Variants in COL18A1 observed in about 807,000 individuals in gnomAD.
The protein encoded by COL18A1 is collagen alpha-1(XVIII) chain.
A neutral mutation model predicts 168.0 loss-of-function variants in COL18A1; 133 were observed. The observed-to-expected ratio is 0.79, with a 90% CI of 0.69 to 0.91. The LOEUF is 0.91. Ranked by LOEUF, COL18A1 falls within the 40% of genes least tolerant of loss-of-function variation. The pLI, the probability that COL18A1 is intolerant of heterozygous loss-of-function variation, is 0.00. For missense variants in COL18A1, 2,126 were observed against 1,925.4 expected, an observed-to-expected ratio of 1.10 and a Z score of -1.95; for synonymous variants, 949 against 809.0, an observed-to-expected ratio of 1.17 and a Z score of -2.94.
Position 45,473,880 on chromosome 21 carries a change from T to C in COL18A1, c.652-15T>C. 1 of 1,587,374 alleles carries C rather than the reference T, an allele frequency of 6.3e-7. No individual in the cohort carries two copies. The highest frequency in any genetic ancestry group is 8.6e-7 in the Non-Finnish European group (1 of 1,166,990). On this transcript the variant is annotated splice_polypyrimidine_tract_variant and intron_variant, in intron 3 of 41. Transcript: ENST00000651438. This position sits in a 1 kb window ranked among gnomAD's most constrained non-coding sequence, Gnocchi z 4.0. The stretch of plus-strand genomic sequence containing the variant: ...CTCAGGACCGCTGGTGACCCCTTTC[T>C]CTGTCTGCATTTAGGGGGTGATCGC...
At chr21:45,507,685 T>C in intron 38 of COL18A1, 92 bp downstream of exon 38, 1 of 1,245,470 alleles carries the variant, frequency 8.0e-7, no homozygotes, top group South Asian at 1.3e-5. Context: ...ACGTGGTCCT[T>C]TGGAGTCCTG....
intron 2 of COL18A1, among the ~76,000 whole-genome samples, chr21:45,452,501 A>T (rs1006196254): frequency 6.9e-6 from 1 of 145,586 alleles, no homozygotes; most frequent in African/African-American, 2.5e-5. Context: ...GCATGTGTGT[A>T]TTCACGTGAC....
At position 45,456,113 on chromosome 21, in the gene COL18A1, C is replaced by T. The variant is rs746995849; in HGVS notation, c.107-12129C>T. ...CACCTTGCCTGCACCCACCCCATCG[C>T]CTCCCTCCCTGGGCAGGCCCTGGGC... On this transcript the variant is annotated intron_variant, in intron 2 of 41. Coordinates refer to ENST00000651438, the MANE Select transcript of COL18A1 (RefSeq NM_001379500.1). The T allele has an allele frequency of 2.6e-5, 41 of 1,587,620 alleles. No individual in the cohort carries two copies. The highest frequency in any genetic ancestry group is 3.1e-5 in the Non-Finnish European group (36 of 1,164,092).
Position 45,504,555 on chromosome 21 carries a change from C to A in COL18A1, c.2867C>A (p.Pro956Gln). 6.4e-7 allele frequency: 1 copy of A among 1,570,162 alleles called. No homozygotes were observed. Among genetic ancestry groups the A allele is most frequent in the Non-Finnish European group, 8.6e-7 (1 of 1,158,944 alleles). ...GGCCCACGTGGCTACCCTGGGATTC[C>A]AGTAAGTCCCAGCCTGTGCAGGCAG... is the stretch of plus-strand genomic sequence containing the variant. ...PPGPRGYPGI[P>Q]GPKGESIRGQ... Residue 956 changes from proline to glutamine, a missense_variant and splice_region_variant, in exon 34 of 42, where the codon CCA becomes CAA. Pro to Gln is a moderately conservative substitution (Grantham distance 76). Coordinates refer to ENST00000651438, the MANE Select transcript of COL18A1 (RefSeq NM_001379500.1).
At chr21:45,494,070 T>C (rs986895758) in intron 26 of COL18A1, 2 of 289,726 alleles carry the variant, frequency 6.9e-6, no homozygotes. Flanking sequence ...GAAGCCTGGA[T>C]CTTTGGAGTG....
In COL18A1 at chr21:45,425,444, G is replaced by A. The variant is rs1279383937; in HGVS notation, c.106+19971G>A. 6.6e-6 allele frequency among the ~76,000 whole-genome samples: 1 copy of A among 152,208 alleles called. No individual in the cohort carries two copies. The highest frequency in any genetic ancestry group is 1.5e-5 in the Non-Finnish European group (1 of 68,026). On this transcript the variant is annotated intron_variant, in intron 2 of 41. Coordinates refer to ENST00000651438, the MANE Select transcript of COL18A1 (RefSeq NM_001379500.1). The surrounding 1 kb of genome is among the most constrained non-coding windows in gnomAD (Gnocchi z 4.1). ...TGTCCCCCAAGAGGTGTGCATGGAG[G>A]TGGACCCCCTGCCTCACCCTCGGGT...
At chr21:45,451,940 G>T (rs749113013) in intron 2 of COL18A1, among the ~76,000 whole-genome samples, 2 of 152,222 alleles carry the variant, frequency 1.3e-5, no homozygotes, top group Non-Finnish European at 2.9e-5. Context: ...CTGCCTTCCT[G>T]CAGACCCCAA....
intron 2 of COL18A1, 150 bp downstream of exon 2, chr21:45,405,623 G>C: frequency 2.6e-6 from 1 of 378,172 alleles, no homozygotes; most frequent in Non-Finnish European, 4.3e-6. Context: ...CGCCGGAGCC[G>C]GACGGAGCGG....
intron 2 of COL18A1, among the ~76,000 whole-genome samples, chr21:45,454,390 C>T (rs535343951): frequency 2.4e-4 from 36 of 152,288 alleles, no homozygotes; most frequent in African/African-American, 7.9e-4. Flanking sequence ...GCAACCCCAG[C>T]CGCACAGCCT....
rs775334835 is a variant in COL18A1, at chr21:45,476,390, G to A, written c.838G>A (p.Val280Ile). Residue 280 changes from valine to isoleucine, a missense_variant, in exon 6 of 42, where the codon GTC becomes ATC. Val to Ile is a conservative substitution (Grantham distance 29). Transcript: ENST00000651438. ...LKPRLPAPPPVTTPPLAGGSS... is the reference protein window; with the variant it reads ...LKPRLPAPPPITTPPLAGGSS... ...ACCCAGGCTCCCCGCGCCACCCCCC[G>A]TCACCACGCCACCCTTGGCTGGAGG... The A allele has an allele frequency of 1.2e-5, 20 of 1,613,898 alleles. No individual in the cohort carries two copies. Among genetic ancestry groups the A allele is most frequent in the South Asian group, 2.2e-5 (2 of 91,086 alleles).
intron 2 of COL18A1, among the ~76,000 whole-genome samples, chr21:45,466,841 G>A (rs1361695883): frequency 1.3e-5 from 2 of 152,366 alleles, no homozygotes; most frequent in East Asian, 1.9e-4. Context: ...CAAGGTGAAC[G>A]CGGGGGCAGC....
chr21:45,413,995 G>A (rs1311753709), intron 2 of COL18A1, among the ~76,000 whole-genome samples: 5 of 152,246 alleles, frequency 3.3e-5, no homozygotes, highest in South Asian at 2.1e-4. Context: ...CTCCAAGCCC[G>A]TGTGCACCTG....
chr21:45,474,802 G>GGACGTAGACCCACAGCCTC (rs2035583522), intron 4 of COL18A1, among the ~76,000 whole-genome samples: 1 of 147,554 alleles, frequency 6.8e-6, no homozygotes, highest in Non-Finnish European at 1.5e-5. Context: ...GAGACACCGT[G>GGACGTAGACCCACAGCCTC]GCTGGACTGT....
In COL18A1 at chr21:45,510,123, C is replaced by T. The variant is rs775221635; in HGVS notation, c.3555C>T (p.Ala1185=). ...GCGGCATGCGGGGCATCCGCGGGGC[C>T]GACTTCCAGTGCTTCCAGCAGGCGC... The part of the protein sequence containing the change: ...LSGGMRGIRG[A]DFQCFQQARA... The change falls in exon 40 of 42, where the codon GCC becomes GCT. Residue 1185 remains alanine, a synonymous_variant. Coordinates refer to ENST00000651438, the MANE Select transcript of COL18A1 (RefSeq NM_001379500.1). 1.1e-5 allele frequency: 18 copies of T among 1,599,366 alleles called. No individual in the cohort carries two copies. The highest frequency in any genetic ancestry group is 3.5e-4 in the Middle Eastern group (2 of 5,740).
At chr21:45,481,740 G>C (rs1288572156) in intron 13 of COL18A1, among the ~76,000 whole-genome samples, 1 of 152,248 alleles carries the variant, frequency 6.6e-6, no homozygotes, top group Admixed American at 6.5e-5. Context: ...TCCCGCCGTG[G>C]TGCTGTCGGC....
At chr21:45,509,662 G>T in intron 39 of COL18A1, 61 bp downstream of exon 39, 1 of 925,170 alleles carries the variant, frequency 1.1e-6, no homozygotes, top group Non-Finnish European at 1.7e-6. Context: ...GGCAGCAGAA[G>T]AGGGCCCAGC....
intron 18 of COL18A1, 53 bp downstream of exon 18, chr21:45,488,497 G>C: frequency 1.2e-6 from 2 of 1,613,002 alleles, no homozygotes; most frequent in South Asian, 1.1e-5. Flanking sequence ...GCCCTGTCTC[G>C]ACATCTTGGG....
At chr21:45,465,973 C>T (rs916284408) in intron 2 of COL18A1, among the ~76,000 whole-genome samples, 1 of 152,072 alleles carries the variant, frequency 6.6e-6, no homozygotes, top group African/African-American at 2.4e-5. Flanking sequence ...GTGGAGAGCC[C>T]AGTTTGGGGA....
chr21:45,450,583 A>G (rs1388206881), intron 2 of COL18A1, among the ~76,000 whole-genome samples: 3 of 152,186 alleles, frequency 2.0e-5, no homozygotes, highest in Admixed American at 6.5e-5. Flanking sequence ...AGACCACACT[A>G]TTTAGGAATT....
Sources: gnomAD v4.1 joint callset for allele counts (sites outside exome capture counted in the v4.1 genomes callset) on GRCh38, gnomAD v4.1.1 for gene constraint, Gnocchi (gnomAD v3.1) non-coding constraint, MANE v1.5 for transcripts, NCBI Gene and HGNC (gene_info 2026-07-23, HGNC 2026-07-21) for gene names.